The following INSR variants were observed in gnomAD, a reference collection of about 807,000 sequenced individuals.
INSR encodes insulin receptor.
INSR carries 67 observed loss-of-function variants against 142.6 expected under a neutral mutation model. The ratio of observed to expected loss-of-function variants is 0.47; its 90% CI spans 0.39 to 0.58. INSR has a LOEUF of 0.58. Ranked by LOEUF, INSR falls within the 20% of genes least tolerant of loss-of-function variation. The probability of loss-of-function intolerance (pLI) is 0.00; values close to 1 mark genes in which losing one functional copy is unlikely to be tolerated. For synonymous variants in INSR, 756 were observed against 743.1 expected (o/e 1.02, Z -0.28); for missense variants, 1,248 against 1,833.2 (o/e 0.68, Z 5.83).
intron 2 of INSR, among the ~76,000 whole-genome samples, chr19:7,244,577 T>A (rs1373468596): frequency 6.6e-6 from 1 of 151,524 alleles, no homozygotes; most frequent in African/African-American, 2.4e-5. Flanking sequence ...GGAGATCCCA[T>A]ACCTGCCCGG....
intron 2 of INSR, among the ~76,000 whole-genome samples, chr19:7,205,241 T>C (rs1009738348): frequency 6.6e-6 from 1 of 152,092 alleles, no homozygotes; most frequent in African/African-American, 2.4e-5. Context: ...GCCTAGAGGG[T>C]AGACAGAGAG....
chr19:7,196,413 T>C (rs1207817243), intron 2 of INSR, among the ~76,000 whole-genome samples: 5 of 152,146 alleles, frequency 3.3e-5, no homozygotes, highest in Non-Finnish European at 5.9e-5. Context: ...GATCTAGATA[T>C]AATCTTGCAA....
chr19:7,193,920 T>C (rs1319613379), intron 2 of INSR, among the ~76,000 whole-genome samples: 2 of 151,550 alleles, frequency 1.3e-5, no homozygotes. Flanking sequence ...CAGGCTGGTC[T>C]TGAACTCCTA....
In INSR at chr19:7,114,748, T is replaced by C. The variant is rs1972282328; in HGVS notation, c.*2308A>G. 1 of 152,624 alleles carries C rather than the reference T, an allele frequency of 6.6e-6. No homozygotes were observed. The highest frequency in any genetic ancestry group is 2.1e-4 in the South Asian group (1 of 4,830). The allele number at this position is 152,624 out of a possible 1,614,324, so 9.5% of individuals were successfully genotyped here. A position where few individuals can be genotyped will look rare whatever the true frequency, so the allele number is the denominator to read the frequency against. ...AAATTTACATGCGCTCCATTTTTTATGAGAGTGATTTTCAGAGTGATTTTA... is the reference window on the plus strand; with the variant it reads ...AAATTTACATGCGCTCCATTTTTTACGAGAGTGATTTTCAGAGTGATTTTA... On this transcript the variant is annotated 3_prime_UTR_variant, in exon 22 of 22. Coordinates refer to ENST00000302850, the MANE Select transcript of INSR (RefSeq NM_000208.4).
rs146698985 is a variant in INSR, at chr19:7,143,065, C to T, written c.2293G>A (p.Gly765Ser). 8.0e-5 allele frequency: 129 copies of T among 1,614,074 alleles called. No homozygotes were observed. In the African/African-American group the frequency reaches 1.2e-3, roughly 16 times the overall value. ...PRPSRKRRSL[G>S]DVGNVTVAVP... ...GCCACCGTCACATTCCCAACATCGC[C>T]AAGGGACCTGCGTTTCCGAGATGGC... is the stretch of plus-strand genomic sequence containing the variant. Residue 765 changes from glycine to serine, a missense_variant, in exon 12 of 22, where the codon GGC becomes AGC. This residue lies in a region of INSR where 1,069 missense variants were observed against 1,654.0 expected (regional missense o/e 0.65). Coordinates refer to ENST00000302850, the MANE Select transcript of INSR (RefSeq NM_000208.4).
intron 4 of INSR, among the ~76,000 whole-genome samples, chr19:7,173,664 G>C (rs1005870309): frequency 8.0e-6 from 1 of 125,164 alleles, no homozygotes; most frequent in African/African-American, 3.2e-5. Context: ...CTGTCGCCCA[G>C]GCTAGAGTGC....
In INSR at chr19:7,117,337, G is replaced by A. The variant is rs753193407; in HGVS notation, c.3868C>T (p.Leu1290Phe). ...AAGCTGGGGTGCAGGTCGTCCTTGA[G>A]CAGGTTGACAATCTCCAGGAAGGTT... ...RPTFLEIVNL[L>F]KDDLHPSFPE... Residue 1290 changes from leucine (L) to phenylalanine (F), a missense_variant, in exon 22 of 22, where the codon CTC becomes TTC. Transcript: ENST00000302850. The A allele has an allele frequency of 6.2e-7, 1 of 1,614,158 alleles. No individual in the cohort carries two copies. The highest frequency in any genetic ancestry group is 8.5e-7 in the Non-Finnish European group (1 of 1,180,012).
intron 2 of INSR, among the ~76,000 whole-genome samples, chr19:7,260,408 G>A (rs1392887419): frequency 1.3e-5 from 2 of 152,156 alleles, no homozygotes; most frequent in African/African-American, 2.4e-5. Context: ...CAGCTGGTCA[G>A]GCAAGCCCTG....
chr19:7,129,073 A>G (rs1972715659), intron 14 of INSR, 119 bp from the exon 15 acceptor site: 5 of 752,320 alleles, frequency 6.6e-6, no homozygotes, highest in South Asian at 3.0e-5. Flanking sequence ...TCCCTTGTCC[A>G]TAAACCTCTC....
chr19:7,196,503 G>C (rs1452100986), intron 2 of INSR, among the ~76,000 whole-genome samples: 1 of 151,940 alleles, frequency 6.6e-6, no homozygotes, highest in Admixed American at 6.6e-5. Context: ...AGAGAAATAG[G>C]AGACGCAGCG....
chr19:7,116,867 T>C lies in INSR; in HGVS notation c.*189A>G. 1.7e-6 allele frequency: 1 copy of C among 602,002 alleles called. No individual in the cohort carries two copies. The allele number at this position is 602,002 out of a possible 1,614,324, so 37.3% of individuals were successfully genotyped here. ...CTTGCCCTCCAGGTTCACAGTTAAA[T>C]CCTCTGCAGGACTAGTTAAATTGGT... On this transcript the variant is annotated 3_prime_UTR_variant, in exon 22 of 22. Coordinates refer to ENST00000302850, the MANE Select transcript of INSR (RefSeq NM_000208.4).
intron 2 of INSR, among the ~76,000 whole-genome samples, chr19:7,213,954 C>A (rs1296784035): frequency 6.6e-6 from 1 of 151,466 alleles, no homozygotes; most frequent in East Asian, 1.9e-4. Context: ...TGTGCCATTG[C>A]ACTCCAGGCT....
intron 1 of INSR, among the ~76,000 whole-genome samples, chr19:7,275,863 C>T (rs1447852176): frequency 2.6e-5 from 4 of 152,004 alleles, no homozygotes; most frequent in Admixed American, 2.6e-4. Flanking sequence ...TGGTGGCTGC[C>T]ATATTGGACA....
At chr19:7,235,526 A>C (rs1352159567) in intron 2 of INSR, among the ~76,000 whole-genome samples, 1 of 152,164 alleles carries the variant, frequency 6.6e-6, no homozygotes, top group East Asian at 1.9e-4. Flanking sequence ...ACCCTGTGAA[A>C]AATCAGCTGC....
intron 2 of INSR, among the ~76,000 whole-genome samples, chr19:7,251,241 C>A (rs922016618): frequency 6.6e-6 from 1 of 151,920 alleles, no homozygotes; most frequent in Non-Finnish European, 1.5e-5. Flanking sequence ...GAGACCCAAA[C>A]AAACACATCA....
intron 19 of INSR, 54 bp downstream of exon 19, chr19:7,122,560 G>C (rs1972519048): frequency 6.3e-7 from 1 of 1,599,912 alleles, no homozygotes; most frequent in African/African-American, 1.3e-5. Flanking sequence ...ACTTCCTTCT[G>C]AAATCAAACC....
Position 7,293,581 on chromosome 19 carries a change from C to T in INSR, c.100+211G>A, listed in dbSNP as rs377438881. Among the ~76,000 whole-genome samples the T allele has an allele frequency of 4.6e-5, 7 of 152,216 alleles. No homozygotes were observed. The South Asian group carries it at 8.3e-4, about 18-fold the overall frequency. Reference sequence around the variant, plus strand: ...AGGTTCCTCGGGCTCAGGTCGGGCACGCAGGGCGCGGAGGCGCGAGCCCGG... The same window carrying T: ...AGGTTCCTCGGGCTCAGGTCGGGCATGCAGGGCGCGGAGGCGCGAGCCCGG... On this transcript the variant is annotated intron_variant, in intron 1 of 21. Transcript: ENST00000302850.
chr19:7,138,677 A>G (rs1445131704), intron 13 of INSR, among the ~76,000 whole-genome samples: 1 of 152,044 alleles, frequency 6.6e-6, no homozygotes, highest in African/African-American at 2.4e-5. Context: ...TGGCCCCCAA[A>G]CATCATTTTC....
intron 2 of INSR, among the ~76,000 whole-genome samples, chr19:7,231,262 C>T (rs1975964059): frequency 6.7e-6 from 1 of 149,576 alleles, no homozygotes; most frequent in African/African-American, 2.5e-5. Context: ...CGTTCAAACG[C>T]TTTGTGTTGT....
Sources: allele counts gnomAD v4.1 joint callset (sites outside exome capture counted in the v4.1 genomes callset), GRCh38; gene constraint gnomAD v4.1.1; regional missense constraint gnomAD v4.1.1; transcripts MANE v1.5; gene names NCBI Gene and HGNC (gene_info 2026-07-23, HGNC 2026-07-21).